PTPRM: variants seen among roughly 807,000 people sequenced by gnomAD.
The protein encoded by PTPRM is receptor-type tyrosine-protein phosphatase mu.
In PTPRM, 47 loss-of-function variants were observed where a neutral mutation model predicts 186.7. That is an observed-to-expected ratio of 0.25 (90% CI 0.20 to 0.32). The LOEUF (loss-of-function observed/expected upper bound fraction) is 0.32. PTPRM is among the 10% of genes least tolerant of loss of function. The pLI, the probability that PTPRM is intolerant of heterozygous loss-of-function variation, is 1.00. For synonymous variants in PTPRM, 668 were observed against 674.9 expected, an observed-to-expected ratio of 0.99 and a Z score of 0.16; for missense variants, 1,494 against 1,865.0, an observed-to-expected ratio of 0.80 and a Z score of 3.66.
In PTPRM at chr18:8,144,697, C is replaced by T. The variant is rs1273031035; in HGVS notation, c.2300+918C>T. Among the ~76,000 whole-genome samples the T allele has an allele frequency of 1.3e-5, 2 of 152,106 alleles. 1 individual carries two copies. Among genetic ancestry groups the T allele is most frequent in the Admixed American group, 1.3e-4 (2 of 15,268 alleles). Reference sequence around the variant, plus strand: ...GGCCATAATAAGTGATCCTCACCTCCCATACTTGAAAACTATGCAGTGTCT... The same window carrying T: ...GGCCATAATAAGTGATCCTCACCTCTCATACTTGAAAACTATGCAGTGTCT... On this transcript the variant is annotated intron_variant, in intron 14 of 32. Coordinates refer to ENST00000580170, the MANE Select transcript of PTPRM (RefSeq NM_001105244.2).
At chr18:8,081,536 C>A (rs566258265) in intron 9 of PTPRM, among the ~76,000 whole-genome samples, 2 of 152,092 alleles carry the variant, frequency 1.3e-5, no homozygotes, top group African/African-American at 4.8e-5. Context: ...ATTGAATGAA[C>A]AAGTGGAAAA....
chr18:8,363,781 A>G (rs1043066719), intron 23 of PTPRM, among the ~76,000 whole-genome samples: 13 of 151,906 alleles, frequency 8.6e-5, no homozygotes, highest in Admixed American at 6.5e-4. Context: ...AAGATGAGGT[A>G]AGAGAGAAAA....
chr18:8,264,711 G>A lies in PTPRM; in HGVS notation c.2754+11297G>A, dbSNP rs567562710. Among the ~76,000 whole-genome samples, 17 of 150,186 alleles carry A rather than the reference G, an allele frequency of 1.1e-4. No individual in the cohort carries two copies. In the South Asian group the frequency reaches 3.4e-3, roughly 30 times the overall value. Reference sequence around the variant, plus strand: ...TTGAACCCAGCAGGTGGAGGTTGCAGTGAGCAGAGATCCGAGATTGCACCA... The same window carrying A: ...TTGAACCCAGCAGGTGGAGGTTGCAATGAGCAGAGATCCGAGATTGCACCA... On this transcript the variant is annotated intron_variant, in intron 19 of 32. Transcript: ENST00000580170.
At chr18:7,817,424 G>A (rs144027042) in intron 2 of PTPRM, among the ~76,000 whole-genome samples, 75 of 152,274 alleles carry the variant, frequency 4.9e-4, no homozygotes, top group African/African-American at 1.5e-3. Context: ...TGTGTAATAA[G>A]TTGATAGAAA....
In PTPRM at chr18:7,965,562, C is replaced by T. The variant is rs2053983549; in HGVS notation, c.1132+10148C>T. On this transcript the variant is annotated intron_variant, in intron 7 of 32. Coordinates refer to ENST00000580170, the MANE Select transcript of PTPRM (RefSeq NM_001105244.2). Reference sequence around the variant, plus strand: ...TAAAGCACACAGGTAAGATTGTTCACCATAGGGCTGCTTGTGAGCCAGGCT... The same window carrying T: ...TAAAGCACACAGGTAAGATTGTTCATCATAGGGCTGCTTGTGAGCCAGGCT... Among the ~76,000 whole-genome samples the T allele has an allele frequency of 3.3e-5, 5 of 152,100 alleles. No individual in the cohort carries two copies. The South Asian group carries it at 1.0e-3, about 32-fold the overall frequency.
At chr18:7,663,282 TAA>T (rs2039020114) in intron 1 of PTPRM, among the ~76,000 whole-genome samples, 1 of 152,168 alleles carries the variant, frequency 6.6e-6, no homozygotes, top group African/African-American at 2.4e-5. Flanking sequence ...GTTAAAAACT[TAA>T]CTCTACTGGT....
At chr18:7,907,507 C>T (rs887827403) in intron 4 of PTPRM, among the ~76,000 whole-genome samples, 3 of 152,198 alleles carry the variant, frequency 2.0e-5, no homozygotes, top group East Asian at 3.9e-4. Context: ...TCTCTGTGCA[C>T]CTTACCCTTG....
chr18:8,383,947 A>G (rs1471862149), intron 29 of PTPRM, among the ~76,000 whole-genome samples: 2 of 152,212 alleles, frequency 1.3e-5, no homozygotes, highest in African/African-American at 4.8e-5. Flanking sequence ...TTCACCATGC[A>G]AAAGGGGACA....
rs531006483 is a variant in PTPRM at position 8,213,809 on chromosome 18, G to A, written c.2301-30249G>A. On this transcript the variant is annotated intron_variant, in intron 14 of 32. Transcript: ENST00000580170. ...ATCAAAAAGACACCTGCATGCATGC[G>A]CTTGTCACTGCACTGTTCACAATTG... Among the ~76,000 whole-genome samples, 6 of 152,210 alleles carry A rather than the reference G, an allele frequency of 3.9e-5. No individual in the cohort carries two copies. The East Asian group carries it at 9.7e-4, about 25-fold the overall frequency.
chr18:7,597,388 C>T (rs149006083), intron 1 of PTPRM, among the ~76,000 whole-genome samples: 1 of 152,222 alleles, frequency 6.6e-6, no homozygotes, highest in Admixed American at 6.5e-5. Flanking sequence ...CGTTTCTTTA[C>T]CTTTCGGATC....
At chr18:7,931,497 T>C (rs973576604) in intron 5 of PTPRM, among the ~76,000 whole-genome samples, 4 of 152,096 alleles carry the variant, frequency 2.6e-5, no homozygotes, top group Admixed American at 2.6e-4. Context: ...TGAGATCAGA[T>C]CGAGACCATC....
chr18:8,083,964 G>A (rs781706871), intron 9 of PTPRM, among the ~76,000 whole-genome samples: 10 of 152,192 alleles, frequency 6.6e-5, no homozygotes, highest in Non-Finnish European at 1.0e-4. Context: ...GCTTTCTCTC[G>A]TATGCATTTA....
chr18:7,790,110 A>G (rs1318759318), intron 2 of PTPRM, among the ~76,000 whole-genome samples: 1 of 152,176 alleles, frequency 6.6e-6, no homozygotes, highest in Non-Finnish European at 1.5e-5. Flanking sequence ...ACTTCTAGTT[A>G]AGATGCAGTG....
At chr18:7,813,479 A>C (rs963811983) in intron 2 of PTPRM, among the ~76,000 whole-genome samples, 11 of 152,166 alleles carry the variant, frequency 7.2e-5, no homozygotes, top group African/African-American at 2.7e-4. Context: ...CCACGTAAGA[A>C]ATACTCAAAT....
At chr18:8,145,518 T>C (rs1280906719) in intron 14 of PTPRM, among the ~76,000 whole-genome samples, 1 of 152,140 alleles carries the variant, frequency 6.6e-6, no homozygotes, top group Non-Finnish European at 1.5e-5. Context: ...TTCCCCTCCC[T>C]GTGTCCATGC....
In PTPRM at chr18:8,252,604, T is replaced by C. The variant is rs986822408; in HGVS notation, c.2566+105T>C. On this transcript the variant is annotated intron_variant, in intron 18 of 32. Transcript: ENST00000580170. Reference sequence around the variant, plus strand: ...CAGCTGGTGCTGCTCTGTGCTGGCCTGCATGTTTGCCTTTGTAGAACATTC... The same window carrying C: ...CAGCTGGTGCTGCTCTGTGCTGGCCCGCATGTTTGCCTTTGTAGAACATTC... 4.3e-5 allele frequency: 48 copies of C among 1,111,368 alleles called. 1 individual carries two copies. In the South Asian group the frequency reaches 4.7e-4, roughly 11 times the overall value. The allele number at this position is 1,111,368 out of a possible 1,614,324, so 68.8% of individuals were successfully genotyped here. A position where few individuals can be genotyped will look rare whatever the true frequency, so the allele number is the denominator to read the frequency against.
At chr18:8,091,587 AT>A (rs371274350) in intron 11 of PTPRM, among the ~76,000 whole-genome samples, 9,294 of 140,056 alleles carry the variant, frequency 0.066, 657 homozygotes, top group African/African-American at 0.19. Context: ...TGTCGAAAAG[AT>A]TTTTTTTTTT....
chr18:7,712,726 C>G (rs1358728881), intron 1 of PTPRM, among the ~76,000 whole-genome samples: 2 of 151,708 alleles, frequency 1.3e-5, no homozygotes, highest in Non-Finnish European at 2.9e-5. Flanking sequence ...GAAGCATACA[C>G]AAGTATCAAT....
At chr18:7,943,803 T>G (rs2052348690) in intron 5 of PTPRM, among the ~76,000 whole-genome samples, 1 of 152,218 alleles carries the variant, frequency 6.6e-6, no homozygotes, top group Non-Finnish European at 1.5e-5. Context: ...TAGAACCTTG[T>G]GATTACGTTT....
Sources: gnomAD v4.1 joint callset for allele counts (sites outside exome capture counted in the v4.1 genomes callset) on GRCh38, gnomAD v4.1.1 for gene constraint, MANE v1.5 for transcripts, NCBI Gene and HGNC (gene_info 2026-07-23, HGNC 2026-07-21) for gene names.